EPHA6: variants seen among roughly 807,000 people sequenced by gnomAD.
EPHA6 encodes the protein ephrin type-A receptor 6.
A neutral mutation model predicts 112.0 loss-of-function variants in EPHA6; 50 were observed. That is an observed-to-expected ratio of 0.45 (90% CI 0.36 to 0.56). EPHA6 has a LOEUF of 0.56. Ranked by LOEUF, EPHA6 falls within the 20% of genes least tolerant of loss-of-function variation. EPHA6 has a pLI of 0.00. For missense variants in EPHA6, 1,280 were observed against 1,417.4 expected (o/e 0.90, Z 1.56); for synonymous variants, 529 against 490.7 (o/e 1.08, Z -1.03).
chr3:97,736,488 T>C (rs1490608578), intron 16 of EPHA6, among the ~76,000 whole-genome samples: 1 of 151,388 alleles, frequency 6.6e-6, no homozygotes, highest in African/African-American at 2.4e-5. Flanking sequence ...TGTGTGTGTG[T>C]GTGTGTGTGT....
At chr3:96,972,216 T>C (rs1029057520) in intron 2 of EPHA6, among the ~76,000 whole-genome samples, 55 of 152,182 alleles carry the variant, frequency 3.6e-4, no homozygotes, top group African/African-American at 1.3e-3. Context: ...TATAAATACA[T>C]TTTGAAGAAA....
rs2107557603 is a variant in EPHA6, at chr3:97,637,861, A to C, written c.2575-12A>C. 1.2e-6 allele frequency: 2 copies of C among 1,608,142 alleles called. No homozygotes were observed. The highest frequency in any genetic ancestry group is 2.2e-5 in the East Asian group (1 of 44,820). ...AAATAAATCAATTTACACAATTGTG[A>C]TTCTCTTGCAGAAGCATGATGGCCA... On this transcript the variant is annotated splice_polypyrimidine_tract_variant and intron_variant, in intron 13 of 17. Coordinates refer to ENST00000389672, the MANE Select transcript of EPHA6 (RefSeq NM_001080448.3).
chr3:96,835,480 G>A (rs1436491908), intron 1 of EPHA6, among the ~76,000 whole-genome samples: 1 of 152,034 alleles, frequency 6.6e-6, no homozygotes, highest in Non-Finnish European at 1.5e-5. Flanking sequence ...TCAAGTGCAA[G>A]GGGATGGAAA....
At chr3:96,874,207 A>G (rs2036811525) in intron 2 of EPHA6, among the ~76,000 whole-genome samples, 1 of 152,170 alleles carries the variant, frequency 6.6e-6, no homozygotes, top group Non-Finnish European at 1.5e-5. Flanking sequence ...TTAAAAGGAT[A>G]CATAGTTATT....
chr3:97,226,226 A>C, intron 3 of EPHA6, 38 bp from the exon 4 acceptor site: 1 of 1,546,268 alleles, frequency 6.5e-7, no homozygotes, highest in Non-Finnish European at 8.8e-7. Flanking sequence ...GAATCCTAGC[A>C]ATAATAACTA....
intron 2 of EPHA6, among the ~76,000 whole-genome samples, chr3:96,912,075 A>G (rs867221185): frequency 2.0e-4 from 30 of 152,266 alleles, no homozygotes; most frequent in African/African-American, 6.7e-4. Context: ...CGTAAAGAGA[A>G]AAAAGACAAG....
At chr3:97,737,381 T>A (rs1223429975) in intron 16 of EPHA6, among the ~76,000 whole-genome samples, 5 of 152,024 alleles carry the variant, frequency 3.3e-5, no homozygotes, top group Non-Finnish European at 7.4e-5. Context: ...AGATCAGGGC[T>A]TGACTTCTGA....
chr3:97,404,928 A>C (rs2087238879), intron 5 of EPHA6, among the ~76,000 whole-genome samples: 1 of 152,162 alleles, frequency 6.6e-6, no homozygotes, highest in South Asian at 2.1e-4. Flanking sequence ...CTCTTGGAAT[A>C]TTTGAGTTTT....
chr3:97,436,915 T>C (rs569366312), intron 6 of EPHA6, among the ~76,000 whole-genome samples: 33 of 152,298 alleles, frequency 2.2e-4, no homozygotes, highest in Non-Finnish European at 3.8e-4. Flanking sequence ...CTTAGATAAA[T>C]TTTATTGTGT....
At chr3:97,704,796 C>A (rs2033591965) in intron 14 of EPHA6, among the ~76,000 whole-genome samples, 1 of 151,934 alleles carries the variant, frequency 6.6e-6, no homozygotes, top group African/African-American at 2.4e-5. Context: ...AATGGCATCC[C>A]GTTTTTATCT....
intron 3 of EPHA6, among the ~76,000 whole-genome samples, chr3:97,004,578 C>A (rs1382253328): frequency 6.6e-6 from 1 of 152,128 alleles, no homozygotes; most frequent in Non-Finnish European, 1.5e-5. Context: ...AATTTTCTCC[C>A]ATTCTGTAGG....
rs146788970 is a variant in EPHA6 at position 97,739,032 on chromosome 3, C to T, written c.3128+2914C>T. The stretch of plus-strand genomic sequence containing the variant: ...ACTGAGACTGTTTAGGGAGAAGAGA[C>T]ACAGTAGATTAAAAGATAGCAATAT... On this transcript the variant is annotated intron_variant, in intron 16 of 17. Transcript: ENST00000389672. Among the ~76,000 whole-genome samples the T allele has an allele frequency of 4.1e-4, 62 of 152,092 alleles. 1 individual carries two copies. In the East Asian group the frequency reaches 0.011, roughly 28 times the overall value.
intron 3 of EPHA6, among the ~76,000 whole-genome samples, chr3:97,156,468 T>A (rs903563205): frequency 6.6e-5 from 10 of 152,286 alleles, no homozygotes; most frequent in African/African-American, 2.4e-4. Flanking sequence ...GAGCTATTGA[T>A]CTCAATTTAA....
At chr3:97,277,071 G>A (rs1436102896) in intron 5 of EPHA6, among the ~76,000 whole-genome samples, 4 of 152,136 alleles carry the variant, frequency 2.6e-5, no homozygotes, top group Non-Finnish European at 5.9e-5. Flanking sequence ...AGATGGGTCT[G>A]TAGAAAAGGA....
intron 5 of EPHA6, among the ~76,000 whole-genome samples, chr3:97,274,622 G>A (rs1263364308): frequency 6.6e-6 from 1 of 152,116 alleles, no homozygotes; most frequent in African/African-American, 2.4e-5. Context: ...TTGAGAGGTA[G>A]TGGAGGGGGG....
At chr3:97,253,814 T>C (rs2079215938) in intron 5 of EPHA6, among the ~76,000 whole-genome samples, 1 of 152,172 alleles carries the variant, frequency 6.6e-6, no homozygotes, top group African/African-American at 2.4e-5. Flanking sequence ...GGCTTCTATA[T>C]ATAAATAGTG....
chr3:97,457,437 T>C (rs2090725975), intron 7 of EPHA6, among the ~76,000 whole-genome samples: 1 of 152,132 alleles, frequency 6.6e-6, no homozygotes, highest in Non-Finnish European at 1.5e-5. Flanking sequence ...TAATCCGTTA[T>C]TTTTCAGAGC....
chr3:97,724,986 G>A (rs2200513), intron 15 of EPHA6, among the ~76,000 whole-genome samples: 149,294 of 152,158 alleles, frequency 0.98, 73,264 homozygotes, highest in East Asian at 0.99. Context: ...AAGCTTGCAG[G>A]CCCTATTTTT....
At chr3:97,111,437 C>T (rs1047743991) in intron 3 of EPHA6, among the ~76,000 whole-genome samples, 2 of 151,838 alleles carry the variant, frequency 1.3e-5, no homozygotes, top group African/African-American at 4.8e-5. Context: ...ATTTTCCTGC[C>T]AAGTAGAGAG....
Sources: allele counts gnomAD v4.1 joint callset (sites outside exome capture counted in the v4.1 genomes callset), GRCh38; gene constraint gnomAD v4.1.1; transcripts MANE v1.5; gene names NCBI Gene and HGNC (gene_info 2026-07-23, HGNC 2026-07-21).